The following PAK2 variants were observed in gnomAD, a reference collection of about 807,000 sequenced individuals.
PAK2 encodes the protein serine/threonine-protein kinase PAK 2.
A neutral mutation model predicts 65.9 loss-of-function variants in PAK2; 21 were observed. That is an observed-to-expected ratio of 0.32 (90% CI 0.23 to 0.46). The LOEUF (loss-of-function observed/expected upper bound fraction) is 0.46, where lower values mean the gene tolerates loss of function less well. Among genes scored for constraint, PAK2 ranks in the 20% least tolerant of loss-of-function variants. The pLI is 1.00. For synonymous variants in PAK2, 204 were observed against 219.7 expected, an observed-to-expected ratio of 0.93 and a Z score of 0.63; for missense variants, 324 against 642.6, an observed-to-expected ratio of 0.50 and a Z score of 5.36.
At chr3:196,764,386 C>T (rs777898749) in intron 1 of PAK2, among the ~76,000 whole-genome samples, 3 of 151,928 alleles carry the variant, frequency 2.0e-5, no homozygotes, top group Non-Finnish European at 4.4e-5. Flanking sequence ...GAGACCAAGA[C>T]GGGCAGATCA....
intron 1 of PAK2, among the ~76,000 whole-genome samples, chr3:196,761,929 C>T (rs1016879339): frequency 3.5e-5 from 5 of 141,732 alleles, no homozygotes; most frequent in Admixed American, 7.0e-5. Flanking sequence ...AGAGGCTCCT[C>T]ACTTCTCAGA....
chr3:196,828,264 T>C, intron 14 of PAK2, 55 bp from the exon 15 acceptor site: 2 of 1,014,432 alleles, frequency 2.0e-6, no homozygotes, highest in South Asian at 2.7e-5. Context: ...AATTATTTTG[T>C]TTCTAACCTG....
At chr3:196,751,667 T>TATATGTATA (rs1560089766) in intron 1 of PAK2, among the ~76,000 whole-genome samples, 1 of 45,108 alleles carries the variant, frequency 2.2e-5, no homozygotes, top group African/African-American at 1.0e-4. Flanking sequence ...ACAAATTTAT[T>TATATGTATA]TATATACATA....
At chr3:196,800,347 A>G (rs1715383075) in intron 2 of PAK2, among the ~76,000 whole-genome samples, 1 of 152,130 alleles carries the variant, frequency 6.6e-6, no homozygotes, top group Non-Finnish European at 1.5e-5. Context: ...ACGCCACTGC[A>G]CTCCAGCCTG....
At chr3:196,821,350 A>C (rs557423611) in intron 13 of PAK2, among the ~76,000 whole-genome samples, 146 of 151,194 alleles carry the variant, frequency 9.7e-4, no homozygotes, top group African/African-American at 3.1e-3. Context: ...AAAAAACCCC[A>C]CCACAACAGG....
At chr3:196,795,373 CAGG>C (rs1051703401) in intron 2 of PAK2, among the ~76,000 whole-genome samples, 1 of 151,920 alleles carries the variant, frequency 6.6e-6, no homozygotes, top group Admixed American at 6.6e-5. Flanking sequence ...TAGGCTGAGG[CAGG>C]AGGATTGCTT....
Position 196,791,011 on chromosome 3 carries a change from G to A in PAK2, c.187+8178G>A, listed in dbSNP as rs1239667365. On this transcript the variant is annotated intron_variant, in intron 2 of 14. Transcript: ENST00000327134. This position sits in a 1 kb window ranked among gnomAD's most constrained non-coding sequence, Gnocchi z 4.0. ...ACCTTCAGCCAAACTTTGAAGCTAT[G>A]CAAAACTCCCCGGCCTTCCAAGCAG... Among the ~76,000 whole-genome samples the A allele has an allele frequency of 1.3e-5, 2 of 152,120 alleles. No homozygotes were observed. The highest frequency in any genetic ancestry group is 2.9e-5 in the Non-Finnish European group (2 of 68,020).
At chr3:196,825,137 G>T (rs13068335) in intron 13 of PAK2, among the ~76,000 whole-genome samples, 4,109 of 150,206 alleles carry the variant, frequency 0.027, 66 homozygotes, top group African/African-American at 0.03. Flanking sequence ...CTTGAGGTTA[G>T]GAGTTTGAGA....
intron 8 of PAK2, among the ~76,000 whole-genome samples, chr3:196,811,169 A>G (rs1319264661): frequency 6.9e-6 from 1 of 145,884 alleles, no homozygotes; most frequent in Admixed American, 7.0e-5. Context: ...GGCTTAAGCC[A>G]TTTTTGAAAA....
At chr3:196,771,544 C>G (rs1175944515) in intron 1 of PAK2, among the ~76,000 whole-genome samples, 1 of 150,476 alleles carries the variant, frequency 6.6e-6, no homozygotes. Flanking sequence ...ATCTACTCAT[C>G]TCCTCTTTCA....
intron 1 of PAK2, among the ~76,000 whole-genome samples, chr3:196,741,226 T>C (rs1434852969): frequency 6.6e-6 from 1 of 152,230 alleles, no homozygotes; most frequent in Non-Finnish European, 1.5e-5. Flanking sequence ...TCTTCCGCTC[T>C]TATAAGTAGG....
intron 1 of PAK2, among the ~76,000 whole-genome samples, chr3:196,768,746 ACCT>A (rs1560097219): frequency 6.6e-6 from 1 of 151,250 alleles, no homozygotes; most frequent in African/African-American, 2.4e-5. Flanking sequence ...GCTCACTGCA[ACCT>A]CCTCCTCATG....
At chr3:196,784,176 G>A (rs895910653) in intron 2 of PAK2, among the ~76,000 whole-genome samples, 46 of 150,760 alleles carry the variant, frequency 3.1e-4, no homozygotes, top group African/African-American at 1.1e-3. Context: ...GCATCTTTAG[G>A]GGCTTACCCT....
intron 12 of PAK2, among the ~76,000 whole-genome samples, chr3:196,819,219 A>C (rs1577748501): frequency 6.6e-6 from 1 of 152,130 alleles, no homozygotes; most frequent in Non-Finnish European, 1.5e-5. Context: ...AGGCAGGTGG[A>C]TTGCTTGAGC....
At chr3:196,811,236 T>TTCCCTACCC (rs1715788834) in intron 8 of PAK2, among the ~76,000 whole-genome samples, 1 of 37,148 alleles carries the variant, frequency 2.7e-5, no homozygotes, top group African/African-American at 8.5e-5. Context: ...TTCCCTTCCC[T>TTCCCTACCC]TCCTTCCCTC....
Position 196,820,876 on chromosome 3 carries a change from C to T in PAK2, c.1350+309C>T, listed in dbSNP as rs1243028407. Among the ~76,000 whole-genome samples, 2 of 152,116 alleles carry T rather than the reference C, an allele frequency of 1.3e-5. No homozygotes were observed. Among genetic ancestry groups the T allele is most frequent in the East Asian group, 3.9e-4 (2 of 5,188 alleles). On this transcript the variant is annotated intron_variant, in intron 13 of 14. Coordinates refer to ENST00000327134, the MANE Select transcript of PAK2 (RefSeq NM_002577.4). This position sits in a 1 kb window ranked among gnomAD's most constrained non-coding sequence, Gnocchi z 4.6. The stretch of plus-strand genomic sequence containing the variant: ...ATGTTTTGAGACAGGGTCCCACTCT[C>T]TTGCCTATTCTAGAATGCAGTGGCG...
At chr3:196,759,501 T>TTTG (rs1713884811) in intron 1 of PAK2, among the ~76,000 whole-genome samples, 1 of 10,754 alleles carries the variant, frequency 9.3e-5, no homozygotes. Flanking sequence ...TTTTTTTGTT[T>TTTG]TTTTTTTTTT....
At chr3:196,821,382 A>G (rs1267745643) in intron 13 of PAK2, among the ~76,000 whole-genome samples, 2 of 151,926 alleles carry the variant, frequency 1.3e-5, no homozygotes, top group Non-Finnish European at 2.9e-5. Flanking sequence ...CAACTACTAG[A>G]ATGGCTGTAC....
At chr3:196,814,196 T>C (rs546092496) in intron 10 of PAK2, among the ~76,000 whole-genome samples, 3 of 152,276 alleles carry the variant, frequency 2.0e-5, no homozygotes, top group Admixed American at 1.3e-4. Context: ...TGTAGGGTTA[T>C]TTTAATCAGA....
Sources: allele counts gnomAD v4.1 joint callset (sites outside exome capture counted in the v4.1 genomes callset), GRCh38; gene constraint gnomAD v4.1.1; non-coding constraint Gnocchi (gnomAD v3.1); transcripts MANE v1.5; gene names NCBI Gene and HGNC (gene_info 2026-07-23, HGNC 2026-07-21).